The following MINDY4B variants were observed in gnomAD, a reference collection of about 807,000 sequenced individuals.
MINDY4B encodes the protein inactive ubiquitin carboxyl-terminal hydrolase MINDY-4B.
In MINDY4B, 25 loss-of-function variants were observed where a neutral mutation model predicts 16.7. The ratio of observed to expected loss-of-function variants is 1.49; its 90% CI spans 1.09 to 2.09. The LOEUF (loss-of-function observed/expected upper bound fraction) is 2.09, where lower values mean the gene tolerates loss of function less well. Among genes scored for constraint, MINDY4B ranks in the 30% most tolerant of loss-of-function variants. The probability of loss-of-function intolerance (pLI) is 0.00; values close to 1 mark genes in which losing one functional copy is unlikely to be tolerated. For missense variants in MINDY4B, 327 were observed against 168.4 expected, an observed-to-expected ratio of 1.94 and a Z score of -5.21; for synonymous variants, 132 against 61.9, an observed-to-expected ratio of 2.13 and a Z score of -5.32.
chr3:150,892,059 C>A (rs536631720), intron 5 of MINDY4B, among the ~76,000 whole-genome samples: 1 of 152,202 alleles, frequency 6.6e-6, no homozygotes, highest in African/African-American at 2.4e-5. Context: ...ATGGACTCAT[C>A]CTCCAGCTAC....
chr3:150,898,393 C>T (rs1674535349), intron 3 of MINDY4B, among the ~76,000 whole-genome samples: 1 of 152,198 alleles, frequency 6.6e-6, no homozygotes, highest in Admixed American at 6.5e-5. Context: ...CAGTTCCCAC[C>T]TCCAACTTAG....
intron 4 of MINDY4B, 118 bp from the exon 5 acceptor site, chr3:150,893,533 C>T (rs1711873533): frequency 7.4e-6 from 5 of 674,542 alleles, no homozygotes; most frequent in Non-Finnish European, 1.4e-5. Flanking sequence ...GGACACCATG[C>T]TATATTTGTG....
intron 9 of MINDY4B, 117 bp downstream of exon 9, chr3:150,883,583 T>C: frequency 1.6e-6 from 1 of 640,586 alleles, no homozygotes; most frequent in Non-Finnish European, 2.8e-6. Flanking sequence ...GAGAATATAT[T>C]TAATTAGAAA....
chr3:150,872,455 A>C (rs1420830362), intron 11 of MINDY4B, among the ~76,000 whole-genome samples: 1 of 152,246 alleles, frequency 6.6e-6, no homozygotes, highest in Non-Finnish European at 1.5e-5. Flanking sequence ...ACAAACTCCC[A>C]GTTTGTCCAG....
chr3:150,902,778 G>A (rs775853484), intron 3 of MINDY4B, among the ~76,000 whole-genome samples: 1 of 152,198 alleles, frequency 6.6e-6, no homozygotes, highest in Non-Finnish European at 1.5e-5. Flanking sequence ...TTAATTGGTA[G>A]CCCCAGAAAA....
chr3:150,886,701 T>C (rs1333286435), intron 7 of MINDY4B, among the ~76,000 whole-genome samples: 3 of 152,210 alleles, frequency 2.0e-5, no homozygotes, highest in African/African-American at 7.2e-5. Flanking sequence ...CCTCATTCCT[T>C]GGCTAGTGGC....
intron 10 of MINDY4B, among the ~76,000 whole-genome samples, chr3:150,881,277 G>A (rs187617088): frequency 3.9e-5 from 6 of 152,272 alleles, no homozygotes; most frequent in Admixed American, 2.6e-4. Context: ...CCAGCTACTC[G>A]TGAGGCTGAG....
intron 3 of MINDY4B, among the ~76,000 whole-genome samples, chr3:150,903,020 G>A (rs922140644): frequency 3.3e-5 from 5 of 152,198 alleles, no homozygotes; most frequent in Non-Finnish European, 5.9e-5. Flanking sequence ...AATTGAAGAA[G>A]TGAATAAAGA....
intron 10 of MINDY4B, among the ~76,000 whole-genome samples, chr3:150,879,177 A>T (rs1019173423): frequency 6.6e-6 from 1 of 152,214 alleles, no homozygotes; most frequent in African/African-American, 2.4e-5. Flanking sequence ...AGTTCAGTTG[A>T]AATAGCTAGT....
chr3:150,899,914 C>A (rs1712076349), intron 3 of MINDY4B, among the ~76,000 whole-genome samples: 1 of 152,224 alleles, frequency 6.6e-6, no homozygotes, highest in Non-Finnish European at 1.5e-5. Context: ...GAGCTTCATT[C>A]ATTTGAGTCT....
intron 2 of MINDY4B, among the ~76,000 whole-genome samples, chr3:150,903,906 G>A (rs530500621): frequency 5.3e-5 from 8 of 151,764 alleles, no homozygotes; most frequent in South Asian, 2.1e-4. Flanking sequence ...AAAATCCACC[G>A]TCTACCTTTA....
intron 3 of MINDY4B, among the ~76,000 whole-genome samples, chr3:150,900,421 A>G (rs1414261881): frequency 6.6e-6 from 1 of 152,238 alleles, no homozygotes; most frequent in Non-Finnish European, 1.5e-5. Flanking sequence ...CTGGAGTGGT[A>G]TTAGGATTCA....
chr3:150,889,731 T>C (rs1308453721), intron 7 of MINDY4B, among the ~76,000 whole-genome samples: 1 of 152,238 alleles, frequency 6.6e-6, no homozygotes, highest in Non-Finnish European at 1.5e-5. Flanking sequence ...TGTAGGTTTC[T>C]GATTTTTCGG....
rs1425376074 is a variant in MINDY4B, at chr3:150,871,125, A to C, written c.1303T>G (p.Phe435Val). Reference protein sequence around the residue: ...QEEKHGPRRRFSPVEMAIRTK... With the variant: ...QEEKHGPRRRVSPVEMAIRTK... ...CTGATTGCCATCTCCACTGGTGAAA[A>C]CCGTCGTCTTGGTCCATGTTTCTCT... Residue 435 changes from phenylalanine (F) to valine (V), a missense_variant, in exon 12 of 12, where the codon TTT becomes GTT. Physicochemically the swap from Phe to Val is conservative, Grantham distance 50. Transcript: ENST00000465419. 2.8e-6 allele frequency: 2 copies of C among 702,560 alleles called. No homozygotes were observed. The highest frequency in any genetic ancestry group is 5.2e-6 in the Non-Finnish European group (2 of 384,824). The allele number at this position is 702,560 out of a possible 1,614,324, so 43.5% of individuals were successfully genotyped here. A position where few individuals can be genotyped will look rare whatever the true frequency, so the allele number is the denominator to read the frequency against.
At chr3:150,872,326 CA>C (rs1716989924) in intron 11 of MINDY4B, among the ~76,000 whole-genome samples, 1 of 152,150 alleles carries the variant, frequency 6.6e-6, no homozygotes, top group Non-Finnish European at 1.5e-5. Flanking sequence ...AGGAGCTGCA[CA>C]AATAAAATAG....
At chr3:150,902,086 T>A in intron 3 of MINDY4B, among the ~76,000 whole-genome samples, 1 of 152,142 alleles carries the variant, frequency 6.6e-6, no homozygotes, top group East Asian at 1.9e-4. Context: ...TGTGTTAGGC[T>A]TCATGTGGTT....
At chr3:150,904,032 C>T (rs180868541) in intron 2 of MINDY4B, among the ~76,000 whole-genome samples, 57 of 152,268 alleles carry the variant, frequency 3.7e-4, no homozygotes, top group Admixed American at 1.4e-3. Flanking sequence ...ACAAATCTGT[C>T]CTATTGGTGG....
intron 10 of MINDY4B, among the ~76,000 whole-genome samples, chr3:150,875,115 CA>C (rs1365340851): frequency 6.6e-6 from 1 of 152,184 alleles, no homozygotes; most frequent in Admixed American, 6.5e-5. Context: ...CCAGTCTGCC[CA>C]CTGGTTACAT....
Position 150,905,047 on chromosome 3 carries a change from G to T in MINDY4B, c.141+15C>A, listed in dbSNP as rs893193324. 7.5e-6 allele frequency: 3 copies of T among 398,382 alleles called. No individual in the cohort carries two copies. The highest frequency in any genetic ancestry group is 6.2e-5 in the African/African-American group (3 of 48,622). The allele number at this position is 398,382 out of a possible 1,614,324, so 24.7% of individuals were successfully genotyped here. ...AACTAAAGGAGAACACACTGGCTTT[G>T]GGAAAAGTAATTACCTGAGGAGTTG... On this transcript the variant is annotated intron_variant, in intron 2 of 11. Transcript: ENST00000465419.
Sources: allele counts gnomAD v4.1 joint callset (sites outside exome capture counted in the v4.1 genomes callset), GRCh38; gene constraint gnomAD v4.1.1; transcripts MANE v1.5; gene names NCBI Gene and HGNC (gene_info 2026-07-23, HGNC 2026-07-21).